MAOB: variants seen among roughly 807,000 people sequenced by gnomAD.
MAOB encodes amine oxidase [flavin-containing] B.
MAOB carries 15 observed loss-of-function variants against 41.9 expected under a neutral mutation model. That is an observed-to-expected ratio of 0.36 (90% CI 0.24 to 0.55). The LOEUF (loss-of-function observed/expected upper bound fraction) is 0.55, where lower values mean the gene tolerates loss of function less well. Ranked by LOEUF, MAOB falls within the 20% of genes least tolerant of loss-of-function variation. MAOB has a pLI of 0.86. For missense variants in MAOB, 345 were observed against 398.7 expected, an observed-to-expected ratio of 0.87 and a Z score of 1.15; for synonymous variants, 167 against 144.2, an observed-to-expected ratio of 1.16 and a Z score of -1.13.
intron 3 of MAOB, among the ~76,000 whole-genome samples, chrX:43,810,797 A>G (rs1210003738): frequency 1.8e-5 from 2 of 111,578 alleles, no homozygotes; most frequent in African/African-American, 6.5e-5. Flanking sequence ...CATGATACCT[A>G]TCTTGGATGT....
At chrX:43,873,348 A>C (rs1286838712) in intron 1 of MAOB, among the ~76,000 whole-genome samples, 1 of 111,371 alleles carries the variant, frequency 9.0e-6, no homozygotes, top group Non-Finnish European at 1.9e-5. Context: ...GAGGTTAAGC[A>C]AAAGGGACGA....
intron 1 of MAOB, among the ~76,000 whole-genome samples, chrX:43,846,560 G>GA (rs369222317): frequency 5.5e-5 from 6 of 109,768 alleles, no homozygotes; most frequent in African/African-American, 9.9e-5. Flanking sequence ...AAATTGATCT[G>GA]AAAAAAAAAT....
At chrX:43,776,578 A>G (rs1050351232) in intron 11 of MAOB, among the ~76,000 whole-genome samples, 14 of 108,331 alleles carry the variant, frequency 1.3e-4, no homozygotes, top group African/African-American at 4.1e-4. Context: ...TCAACTCCAC[A>G]CTCTTTATTC....
chrX:43,784,129 T>G (rs1034833996), intron 8 of MAOB, among the ~76,000 whole-genome samples: 1 of 112,210 alleles, frequency 8.9e-6, no homozygotes, highest in Non-Finnish European at 1.9e-5. Context: ...CTGCAGTTAC[T>G]TCCTCCACTG....
chrX:43,875,366 C>T (rs982114996), intron 1 of MAOB, among the ~76,000 whole-genome samples: 2 of 111,763 alleles, frequency 1.8e-5, no homozygotes, highest in South Asian at 7.6e-4. Context: ...AAGATGCTTC[C>T]GTCTTCAGTC....
chrX:43,803,994 C>T (rs750050481), intron 3 of MAOB, among the ~76,000 whole-genome samples: 15 of 111,385 alleles, frequency 1.3e-4, no homozygotes, highest in Non-Finnish European at 2.5e-4. Context: ...GTTATACCAC[C>T]TGGTTCTTCC....
intron 1 of MAOB, among the ~76,000 whole-genome samples, chrX:43,863,454 C>A (rs1424169293): frequency 9.0e-6 from 1 of 111,591 alleles, no homozygotes; most frequent in Non-Finnish European, 1.9e-5. Context: ...TGTGCGCACA[C>A]ACACATAGCC....
At chrX:43,857,116 T>TATATATATATAG (rs2035299097) in intron 1 of MAOB, among the ~76,000 whole-genome samples, 1 of 11,356 alleles carries the variant, frequency 8.8e-5, no homozygotes, top group Non-Finnish European at 1.4e-4. Context: ...TATATATATA[T>TATATATATATAG]AGAGAGAGAG....
intron 3 of MAOB, among the ~76,000 whole-genome samples, 162 bp from the exon 4 acceptor site, chrX:43,803,566 T>C (rs1349946046): frequency 8.0e-5 from 9 of 112,383 alleles, no homozygotes; most frequent in Non-Finnish European, 1.1e-4. Flanking sequence ...CCCACTTAAC[T>C]TTTTAGCATA....
chrX:43,882,366 C>G lies in MAOB; in HGVS notation c.-67G>C, dbSNP rs2035479051. The G allele has an allele frequency of 1.7e-6, 2 of 1,149,039 alleles. No homozygotes were observed. Among genetic ancestry groups the G allele is most frequent in the Admixed American group, 5.2e-5 (2 of 38,164 alleles). 94.7% of individuals were successfully genotyped at this position (1,149,039 alleles called of 1,213,427 possible). ...CGTTTTCTGGGCCTCGATCCCAGTC[C>G]TGCCTGCCAGCCAGCCCGCCCGCCT... On this transcript the variant is annotated 5_prime_UTR_variant, in exon 1 of 15. Transcript: ENST00000378069.
intron 12 of MAOB, among the ~76,000 whole-genome samples, chrX:43,774,860 T>C (rs1033109608): frequency 6.3e-5 from 7 of 111,519 alleles, no homozygotes; most frequent in African/African-American, 2.0e-4. Context: ...TGTGTTTTGA[T>C]ACAGGCATGC....
chrX:43,828,747 G>C (rs1466095348), intron 3 of MAOB, among the ~76,000 whole-genome samples: 3 of 111,489 alleles, frequency 2.7e-5, no homozygotes, highest in African/African-American at 9.8e-5. Context: ...GATGGATCAG[G>C]GTTAAAGCCC....
chrX:43,822,927 C>T (rs996699506), intron 3 of MAOB, among the ~76,000 whole-genome samples: 10 of 110,883 alleles, frequency 9.0e-5, no homozygotes, highest in African/African-American at 3.3e-4. Context: ...ACTTTTTTCA[C>T]ATTTGCTGCA....
chrX:43,815,716 C>T (rs2034804499), intron 3 of MAOB, among the ~76,000 whole-genome samples: 1 of 111,831 alleles, frequency 8.9e-6, no homozygotes, highest in South Asian at 3.7e-4. Flanking sequence ...GATGACAACA[C>T]CAAGTGTTGG....
At chrX:43,882,130 C>T (rs990717553) in intron 1 of MAOB, 124 bp downstream of exon 1, 15 of 1,087,920 alleles carry the variant, frequency 1.4e-5, no homozygotes, top group East Asian at 3.6e-5. Context: ...GAGCCCTGCC[C>T]GTGCGTGGAC....
At position 43,861,441 on chromosome X, in the gene MAOB, T is replaced by C. The variant is rs189757640; in HGVS notation, c.47-17677A>G. ...TTTCTGTTCCAAATGTTTCTTTAAC[T>C]ACAAATTTAATACAAAATTTTGTCA... On this transcript the variant is annotated intron_variant, in intron 1 of 14. Transcript: ENST00000378069. Among the ~76,000 whole-genome samples the C allele has an allele frequency of 5.3e-5, 6 of 112,708 alleles. No homozygotes were observed. The East Asian group carries it at 1.7e-3, about 31-fold the overall frequency.
intron 2 of MAOB, among the ~76,000 whole-genome samples, chrX:43,842,061 C>T (rs916818447): frequency 8.9e-6 from 1 of 111,793 alleles, no homozygotes; most frequent in Non-Finnish European, 1.9e-5. Flanking sequence ...AAAGCAAAAA[C>T]AGACAAATGG....
chrX:43,851,644 C>A (rs1050753076), intron 1 of MAOB, among the ~76,000 whole-genome samples: 14 of 111,293 alleles, frequency 1.3e-4, no homozygotes, highest in African/African-American at 4.2e-4. Context: ...TTTGGGTGAC[C>A]CCCTCCCCAG....
chrX:43,853,771 C>T (rs1290149503), intron 1 of MAOB, among the ~76,000 whole-genome samples: 2 of 111,274 alleles, frequency 1.8e-5, no homozygotes, highest in African/African-American at 3.3e-5. Context: ...CACTAAAGAT[C>T]GCCAGCAAAC....
Sources: allele counts gnomAD v4.1 joint callset (sites outside exome capture counted in the v4.1 genomes callset), GRCh38; gene constraint gnomAD v4.1.1; transcripts MANE v1.5; gene names NCBI Gene and HGNC (gene_info 2026-07-23, HGNC 2026-07-21).